The following POU6F2 variants were observed in gnomAD, a reference collection of about 807,000 sequenced individuals.
The protein encoded by POU6F2 is POU class 6 homeobox 2, also known as POU domain, class 6, transcription factor 2.
In POU6F2, 31 loss-of-function variants were observed where a neutral mutation model predicts 71.3. That is an observed-to-expected ratio of 0.43 (90% confidence interval 0.33 to 0.59). The LOEUF (loss-of-function observed/expected upper bound fraction) is 0.59. Among genes scored for constraint, POU6F2 ranks in the 20% least tolerant of loss-of-function variants. The pLI is 0.04. For synonymous variants in POU6F2, 347 were observed against 355.7 expected (o/e 0.98, Z 0.27); for missense variants, 783 against 856.8 (o/e 0.91, Z 1.07).
chr7:39,241,270 A>G (rs1205750465), intron 4 of POU6F2, among the ~76,000 whole-genome samples: 1 of 152,174 alleles, frequency 6.6e-6, no homozygotes, highest in African/African-American at 2.4e-5. Context: ...GATTTACATA[A>G]TCAATGGAGA....
At chr7:39,318,817 A>G (rs1005211501) in intron 4 of POU6F2, among the ~76,000 whole-genome samples, 3 of 152,170 alleles carry the variant, frequency 2.0e-5, no homozygotes, top group Admixed American at 6.5e-5. Flanking sequence ...TGCTTTAATA[A>G]GTAGAACATA....
At chr7:39,285,938 T>C (rs6949876) in intron 4 of POU6F2, among the ~76,000 whole-genome samples, 8,392 of 152,294 alleles carry the variant, frequency 0.055, 296 homozygotes, top group South Asian at 0.17. Flanking sequence ...TAGCTCTATA[T>C]TTCCAGCACA....
chr7:39,167,367 G>A (rs1181521827), intron 2 of POU6F2, among the ~76,000 whole-genome samples: 1 of 152,118 alleles, frequency 6.6e-6, no homozygotes, highest in East Asian at 1.9e-4. Context: ...AGTATCCCAT[G>A]TTAGCAATTA....
chr7:39,297,144 A>C (rs575473924), intron 4 of POU6F2, among the ~76,000 whole-genome samples: 146 of 150,720 alleles, frequency 9.7e-4, no homozygotes, highest in Admixed American at 8.4e-3. Context: ...TGTATTCTTT[A>C]GTGTTTATGC....
chr7:39,118,265 G>T (rs1584551483), intron 2 of POU6F2, among the ~76,000 whole-genome samples: 2 of 152,070 alleles, frequency 1.3e-5, no homozygotes, highest in African/African-American at 2.4e-5. Flanking sequence ...GCTTTTTAGT[G>T]TCCTTCTTTT....
chr7:39,425,869 C>T (rs1787956394), intron 6 of POU6F2, among the ~76,000 whole-genome samples: 2 of 152,158 alleles, frequency 1.3e-5, no homozygotes, highest in Non-Finnish European at 2.9e-5. Flanking sequence ...CCCTTTCAGC[C>T]TTCTCAATGG....
At chr7:39,204,565 A>T (rs1793968135) in intron 3 of POU6F2, among the ~76,000 whole-genome samples, 2 of 82,590 alleles carry the variant, frequency 2.4e-5, no homozygotes, top group East Asian at 6.7e-4. Flanking sequence ...ATGTGGAAAC[A>T]CTTTTTTTTT....
intron 1 of POU6F2, among the ~76,000 whole-genome samples, chr7:39,012,556 G>A (rs530761840): frequency 0.016 from 2,462 of 151,890 alleles, 66 homozygotes; most frequent in African/African-American, 0.054. Flanking sequence ...GCTTTGTTCC[G>A]TTGCTGGTGA....
intron 4 of POU6F2, among the ~76,000 whole-genome samples, chr7:39,310,428 G>C (rs1464767849): frequency 2.0e-5 from 3 of 152,142 alleles, no homozygotes. Context: ...AAAGGAGATT[G>C]TCCCCTAGAA....
chr7:39,123,780 T>G (rs1792091514), intron 2 of POU6F2, among the ~76,000 whole-genome samples: 1 of 148,764 alleles, frequency 6.7e-6, no homozygotes, highest in East Asian at 1.9e-4. Flanking sequence ...GATCTTTGGT[T>G]TTTTTTTTTA....
At chr7:39,440,153 A>C (rs552631566) in intron 7 of POU6F2, among the ~76,000 whole-genome samples, 10 of 152,036 alleles carry the variant, frequency 6.6e-5, no homozygotes, top group Non-Finnish European at 8.8e-5. Context: ...TTTAATGGTT[A>C]TGTGTCTTGG....
At chr7:39,138,198 T>C (rs1023823407) in intron 2 of POU6F2, among the ~76,000 whole-genome samples, 1 of 152,216 alleles carries the variant, frequency 6.6e-6, no homozygotes, top group Non-Finnish European at 1.5e-5. Flanking sequence ...ATATTACTTA[T>C]AGGTGGATGT....
At chr7:39,059,928 G>T (rs1401269613) in intron 1 of POU6F2, among the ~76,000 whole-genome samples, 1 of 152,106 alleles carries the variant, frequency 6.6e-6, no homozygotes, top group Non-Finnish European at 1.5e-5. Flanking sequence ...AGCCATACAG[G>T]GGCCAGGTGC....
intron 4 of POU6F2, among the ~76,000 whole-genome samples, chr7:39,279,152 C>G (rs958826391): frequency 6.6e-6 from 1 of 152,168 alleles, no homozygotes; most frequent in African/African-American, 2.4e-5. Flanking sequence ...CCCTTCTTTG[C>G]CACTCATCCT....
intron 2 of POU6F2, among the ~76,000 whole-genome samples, chr7:39,159,848 A>C (rs1229022387): frequency 6.6e-6 from 1 of 152,196 alleles, no homozygotes; most frequent in African/African-American, 2.4e-5. Context: ...AAGGGAAGTG[A>C]GGCCAGAGAA....
intron 5 of POU6F2, among the ~76,000 whole-genome samples, chr7:39,369,348 CT>C (rs112190402): frequency 0.019 from 2,790 of 149,330 alleles, 77 homozygotes; most frequent in African/African-American, 0.065. Flanking sequence ...TGATTGTTAG[CT>C]TTTTTTTTTC....
intron 4 of POU6F2, among the ~76,000 whole-genome samples, chr7:39,220,881 A>G (rs1207289341): frequency 6.6e-6 from 1 of 152,100 alleles, no homozygotes; most frequent in East Asian, 1.9e-4. Flanking sequence ...CATGAGCCAC[A>G]CATGGCTATT....
chr7:39,360,512 C>T (rs901578937), intron 5 of POU6F2, among the ~76,000 whole-genome samples: 5 of 152,122 alleles, frequency 3.3e-5, no homozygotes, highest in African/African-American at 9.7e-5. Flanking sequence ...GGCTTTCTAC[C>T]GCTACCCTGT....
At chr7:39,177,945 A>C (rs114262818) in intron 2 of POU6F2, among the ~76,000 whole-genome samples, 1,630 of 152,306 alleles carry the variant, frequency 0.011, 34 homozygotes, top group African/African-American at 0.037. Context: ...TATCTGTATC[A>C]GTCTTTTTTA....
Sources: gnomAD v4.1 joint callset for allele counts (sites outside exome capture counted in the v4.1 genomes callset) on GRCh38, gnomAD v4.1.1 for gene constraint, MANE v1.5 for transcripts, NCBI Gene and HGNC (gene_info 2026-07-23, HGNC 2026-07-21) for gene names.